Variants in ACSL4 observed in about 807,000 individuals in gnomAD.
ACSL4 encodes acyl-CoA synthetase long chain family member 4.
Under a neutral mutation model 49.1 loss-of-function variants are expected in ACSL4, and 9 were observed. The observed-to-expected ratio is 0.18, with a 90% CI of 0.11 to 0.32. The LOEUF (loss-of-function observed/expected upper bound fraction) is 0.32. ACSL4 is among the 10% of genes least tolerant of loss of function. ACSL4 has a pLI of 1.00. For missense variants in ACSL4, 333 were observed against 493.7 expected, an observed-to-expected ratio of 0.67 and a Z score of 3.08; for synonymous variants, 191 against 170.3, an observed-to-expected ratio of 1.12 and a Z score of -0.95.
At chrX:109,692,744 C>A (rs1418331449) in intron 2 of ACSL4, among the ~76,000 whole-genome samples, 1 of 111,870 alleles carries the variant, frequency 8.9e-6, no homozygotes, top group African/African-American at 3.2e-5. Flanking sequence ...TCTACAAAGT[C>A]TTCGATTTAC....
rs187218158 is a variant in ACSL4, at chrX:109,692,497, T to G, written c.-13+3647A>C. On this transcript the variant is annotated intron_variant, in intron 2 of 15. Coordinates refer to ENST00000672401, the MANE Select transcript of ACSL4 (RefSeq NM_001318510.2). ...AGTGGCACCTACTGGCTAAGCATGA[T>G]GCTATAATCAAACTTTATTAAACAT... Among the ~76,000 whole-genome samples, 379 of 112,146 alleles carry G rather than the reference T, an allele frequency of 3.4e-3. 3 individuals carry two copies. The highest frequency in any genetic ancestry group is 0.012 in the African/African-American group (363 of 30,919).
Position 109,682,788 on chromosome X carries a change from C to T in ACSL4, c.337G>A (p.Ala113Thr), listed in dbSNP as rs1159821534. ...TCGGCCCTGGTCTCACAGAAGATGGCAATGGTGTTCTTTGGTTTTAGTCCC... is the reference window on the plus strand; with the variant it reads ...TCGGCCCTGGTCTCACAGAAGATGGTAATGGTGTTCTTTGGTTTTAGTCCC... ...ALGLKPKNTI[A>T]IFCETRAEWM... Residue 113 changes from alanine (A) to threonine (T), a missense_variant, in exon 4 of 16, where the codon GCC becomes ACC. By Grantham distance (58) the Ala-to-Thr change is moderately conservative. This residue lies in a region of ACSL4 where 157 missense variants were observed against 201.1 expected (regional missense o/e 0.78). Coordinates refer to ENST00000672401, the MANE Select transcript of ACSL4 (RefSeq NM_001318510.2). 3.3e-6 allele frequency: 4 copies of T among 1,211,777 alleles called. No individual in the cohort carries two copies. The highest frequency in any genetic ancestry group is 4.5e-6 in the Non-Finnish European group (4 of 895,515).
chrX:109,715,504 G>A (rs995103697), intron 1 of ACSL4, among the ~76,000 whole-genome samples: 3 of 110,412 alleles, frequency 2.7e-5, no homozygotes, highest in Non-Finnish European at 5.7e-5. Flanking sequence ...GCCAGGCATG[G>A]TTGTGTACAC....
At chrX:109,656,089 C>T (rs1012845980) in intron 15 of ACSL4, among the ~76,000 whole-genome samples, 3 of 110,494 alleles carry the variant, frequency 2.7e-5, no homozygotes, top group Admixed American at 1.9e-4. Context: ...AGGAGAGAAG[C>T]AAAGGAAATT....
chrX:109,725,573 T>G (rs1927916010), intron 1 of ACSL4, among the ~76,000 whole-genome samples: 1 of 110,080 alleles, frequency 9.1e-6, no homozygotes, highest in South Asian at 3.9e-4. Context: ...CCATCCTGGC[T>G]AACACGGTGA....
chrX:109,682,817 G>A lies in ACSL4; in HGVS notation c.308C>T (p.Ala103Val), dbSNP rs1924276818. The A allele has an allele frequency of 3.3e-6, 4 of 1,209,606 alleles. No individual in the cohort carries two copies. The highest frequency in any genetic ancestry group is 3.4e-6 in the Non-Finnish European group (3 of 894,806). The change falls in exon 4 of 16, where the codon GCA becomes GTA. Residue 103 changes from alanine (A) to valine (V), a missense_variant. By Grantham distance (64) the Ala-to-Val change is moderately conservative (BLOSUM62 0). Transcript: ENST00000672401. ...GGTGTTCTTTGGTTTTAGTCCCAGT[G>A]CAGTGAGTCCACTACCAAAGTTATT... is the stretch of plus-strand genomic sequence containing the variant. ...RVNNFGSGLT[A>V]LGLKPKNTIA...
In ACSL4 at chrX:109,647,647, A is replaced by C. The variant is rs775849802; in HGVS notation, c.1856-3461T>G. Reference sequence around the variant, plus strand: ...GCAAGAACAAACACATTCAAAAGCTAGCAGAAGGCAAGAAATAACTAAGAT... The same window carrying C: ...GCAAGAACAAACACATTCAAAAGCTCGCAGAAGGCAAGAAATAACTAAGAT... On this transcript the variant is annotated intron_variant, in intron 15 of 15. Transcript: ENST00000672401. Among the ~76,000 whole-genome samples, 365 of 111,719 alleles carry C rather than the reference A, an allele frequency of 3.3e-3. 2 individuals carry two copies. Among genetic ancestry groups the C allele is most frequent in the African/African-American group, 0.011 (333 of 30,718 alleles).
At position 109,661,424 on chromosome X, in the gene ACSL4, G is replaced by A. The variant is rs768051872; in HGVS notation, c.1697+107C>T. On this transcript the variant is annotated intron_variant, in intron 14 of 15. Coordinates refer to ENST00000672401, the MANE Select transcript of ACSL4 (RefSeq NM_001318510.2). The stretch of plus-strand genomic sequence containing the variant: ...AAATGTACAATTCCCCAGATCTGAT[G>A]AAAATTCTAAGAGAAGACTATGTTA... The A allele has an allele frequency of 1.0e-3, 598 of 581,210 alleles. 2 individuals carry two copies. Among genetic ancestry groups the A allele is most frequent in the South Asian group, 5.4e-3 (215 of 39,607 alleles). The allele number at this position is 581,210 out of a possible 1,213,427, so 47.9% of individuals were successfully genotyped here. A position where few individuals can be genotyped will look rare whatever the true frequency, so the allele number is the denominator to read the frequency against.
At position 109,708,244 on chromosome X, in the gene ACSL4, G is replaced by A. The variant is rs759440977; in HGVS notation, c.-65-12048C>T. On this transcript the variant is annotated intron_variant, in intron 1 of 15. Coordinates refer to ENST00000672401, the MANE Select transcript of ACSL4 (RefSeq NM_001318510.2). ...TACAGGCATGAGCCACTGCACCCAC[G>A]TAGAGGTTATTTTTAGTTTTATCCT... 3.6e-5 allele frequency among the ~76,000 whole-genome samples: 4 copies of A among 112,551 alleles called. No individual in the cohort carries two copies. In the South Asian group the frequency reaches 1.4e-3, roughly 41 times the overall value.
chrX:109,644,568 T>G (rs1268430226), intron 15 of ACSL4, among the ~76,000 whole-genome samples: 1 of 112,084 alleles, frequency 8.9e-6, no homozygotes, highest in Non-Finnish European at 1.9e-5. Flanking sequence ...ATGGTCTTTC[T>G]CAATAAAGTT....
chrX:109,694,772 G>A (rs1384619960), intron 2 of ACSL4, among the ~76,000 whole-genome samples: 1 of 111,312 alleles, frequency 9.0e-6, no homozygotes, highest in African/African-American at 3.3e-5. Flanking sequence ...AACCAGCACT[G>A]GTCTAAAAAT....
chrX:109,682,641 A>C, intron 4 of ACSL4, 78 bp downstream of exon 4: 1 of 1,123,095 alleles, frequency 8.9e-7, no homozygotes, highest in Admixed American at 2.2e-5. Context: ...CTACTGTGAA[A>C]ACAAGAGCAT....
chrX:109,691,096 T>C (rs139020427), intron 2 of ACSL4, among the ~76,000 whole-genome samples: 1,459 of 112,149 alleles, frequency 0.013, 56 homozygotes, highest in Admixed American at 0.11. Flanking sequence ...TCAAAAGTTT[T>C]AGAAAATGAA....
intron 15 of ACSL4, among the ~76,000 whole-genome samples, chrX:109,658,177 T>A (rs1195369803): frequency 9.0e-6 from 1 of 111,731 alleles, no homozygotes; most frequent in Non-Finnish European, 1.9e-5. Flanking sequence ...ATTTACCTTG[T>A]CGCTTCAGCT....
At position 109,671,274 on chromosome X, in the gene ACSL4, G is replaced by A. The variant is rs747710538; in HGVS notation, c.1003-2101C>T. On this transcript the variant is annotated intron_variant, in intron 9 of 15. Transcript: ENST00000672401. ...ATGTGAAGAGCGCCTCTGCCCAGCC[G>A]CGACCCCGTCTGGGAACTGAGGAGT... Among the ~76,000 whole-genome samples, 15 of 110,244 alleles carry A rather than the reference G, an allele frequency of 1.4e-4. No individual in the cohort carries two copies. The South Asian group carries it at 3.5e-3, about 26-fold the overall frequency.
Position 109,683,324 on chromosome X carries a change from G to T in ACSL4, c.40C>A (p.Pro14Thr). The part of the protein sequence containing the change: ...RIKAKPTSDK[P>T]GSPYRSVTHF... ...GTGACAGAGCGATATGGACTTCCAGGTTTGTCTGAAGTGGGCTTAGCTTTT... is the reference window on the plus strand; with the variant it reads ...GTGACAGAGCGATATGGACTTCCAGTTTTGTCTGAAGTGGGCTTAGCTTTT... The change falls in exon 3 of 16, where the codon CCT becomes ACT. Residue 14 changes from proline to threonine, a missense_variant. By Grantham distance (38) the Pro-to-Thr change is conservative (BLOSUM62 -1). Around this residue, in one of 3 missense-constraint regions of ACSL4, gnomAD observed 157 missense variants for 201.1 expected, o/e 0.78. Transcript: ENST00000672401. The T allele has an allele frequency of 8.3e-7, 1 of 1,211,902 alleles. No homozygotes were observed. The highest frequency in any genetic ancestry group is 1.1e-6 in the Non-Finnish European group (1 of 895,543).
intron 1 of ACSL4, among the ~76,000 whole-genome samples, chrX:109,711,537 TA>T (rs993710553): frequency 2.7e-5 from 3 of 112,500 alleles, no homozygotes; most frequent in African/African-American, 9.7e-5. Context: ...TCATGAGACT[TA>T]AAAGAGTTGA....
Position 109,702,190 on chromosome X carries a change from G to A in ACSL4, c.-65-5994C>T, listed in dbSNP as rs752225253. Reference sequence around the variant, plus strand: ...AGATTGCATCATTGCACTCCAGCCTGGGCGACAATGGCAAACCTCTGTCTC... The same window carrying A: ...AGATTGCATCATTGCACTCCAGCCTAGGCGACAATGGCAAACCTCTGTCTC... On this transcript the variant is annotated intron_variant, in intron 1 of 15. Coordinates refer to ENST00000672401, the MANE Select transcript of ACSL4 (RefSeq NM_001318510.2). Among the ~76,000 whole-genome samples, 4 of 110,864 alleles carry A rather than the reference G, an allele frequency of 3.6e-5. No individual in the cohort carries two copies. In the South Asian group the frequency reaches 1.6e-3, roughly 43 times the overall value.
chrX:109,663,225 C>T lies in ACSL4; in HGVS notation c.1568G>A (p.Cys523Tyr). ...AACATTCTGACCTATAATCTGTAAA[C>T]ATCCATCGGGATGGAATTCTCCAAT... ...GDIGEFHPDG[C>Y]LQIIDRKKDL... is the part of the protein sequence containing the mutation. Residue 523 changes from cysteine (C) to tyrosine (Y), a missense_variant, in exon 13 of 16, where the codon TGT (cysteine) becomes TAT (tyrosine). Transcript: ENST00000672401. 8.3e-7 allele frequency: 1 copy of T among 1,205,560 alleles called. No homozygotes were observed.
Sources: allele counts gnomAD v4.1 joint callset (sites outside exome capture counted in the v4.1 genomes callset), GRCh38; gene constraint gnomAD v4.1.1; regional missense constraint gnomAD v4.1.1; transcripts MANE v1.5; gene names NCBI Gene and HGNC (gene_info 2026-07-23, HGNC 2026-07-21).